PHLDB3: variants seen among roughly 807,000 people sequenced by gnomAD.
PHLDB3 encodes the protein pleckstrin homology like domain family B member 3, also known as pleckstrin homology-like domain family B member 3.
A neutral mutation model predicts 85.7 loss-of-function variants in PHLDB3; 86 were observed. That is an observed-to-expected ratio of 1.00 (90% confidence interval 0.84 to 1.20). PHLDB3 has a LOEUF of 1.20. Ranked by LOEUF, PHLDB3 falls within the 50% of genes most tolerant of loss-of-function variation. PHLDB3 has a pLI of 0.00. For missense variants in PHLDB3, 995 were observed against 873.0 expected, an observed-to-expected ratio of 1.14 and a Z score of -1.76; for synonymous variants, 376 against 349.8, an observed-to-expected ratio of 1.07 and a Z score of -0.83.
At chr19:43,503,314 C>CTT (rs909660101) in intron 2 of PHLDB3, among the ~76,000 whole-genome samples, 1 of 137,146 alleles carries the variant, frequency 7.3e-6, no homozygotes, top group Non-Finnish European at 1.6e-5. Flanking sequence ...CTCTCTCTCT[C>CTT]TCATTTTTAG....
intron 9 of PHLDB3, among the ~76,000 whole-genome samples, chr19:43,489,509 T>A (rs1262267390): frequency 6.6e-6 from 1 of 151,924 alleles, no homozygotes; most frequent in Non-Finnish European, 1.5e-5. Flanking sequence ...TTGGTAACCC[T>A]GGTGGCCCTC....
intron 9 of PHLDB3, among the ~76,000 whole-genome samples, chr19:43,488,543 G>A (rs1971238226): frequency 6.6e-6 from 1 of 151,996 alleles, no homozygotes; most frequent in South Asian, 2.1e-4. Flanking sequence ...TGATACTGGG[G>A]GTGTTCTACT....
chr19:43,477,184 G>A (rs1159825962), intron 15 of PHLDB3, among the ~76,000 whole-genome samples: 1 of 152,134 alleles, frequency 6.6e-6, no homozygotes, highest in Admixed American at 6.6e-5. Context: ...TTGGACATCA[G>A]AGTCTGCCAT....
At chr19:43,481,807 G>A (rs950874556) in intron 13 of PHLDB3, among the ~76,000 whole-genome samples, 32 of 150,104 alleles carry the variant, frequency 2.1e-4, no homozygotes, top group Non-Finnish European at 4.5e-4. Flanking sequence ...AAAAAAAAAA[G>A]AAAGAAAAGA....
intron 15 of PHLDB3, among the ~76,000 whole-genome samples, chr19:43,476,674 CAAAG>C (rs1165552810): frequency 6.6e-6 from 1 of 151,486 alleles, no homozygotes; most frequent in Non-Finnish European, 1.5e-5. Context: ...GAAAAAGAAA[CAAAG>C]AAAACTAAGG....
chr19:43,494,761 C>T lies in PHLDB3; in HGVS notation c.1090G>A (p.Ala364Thr), dbSNP rs921667039. The change falls in exon 9 of 16, where the codon GCC (alanine) becomes ACC (threonine). Residue 364 changes from alanine to threonine, a missense_variant. Coordinates refer to ENST00000292140, the MANE Select transcript of PHLDB3 (RefSeq NM_198850.4). ...GAAGTAGGGGTGGCAGCGGAGTGGG[C>T]CACGGCATCCTGGAGCACCAGCAGC... Reference protein sequence around the residue: ...RQLLVLQDAVAHSAATPTSSC... With the variant: ...RQLLVLQDAVTHSAATPTSSC... The T allele has an allele frequency of 5.6e-6, 9 of 1,613,242 alleles. No individual in the cohort carries two copies. The highest frequency in any genetic ancestry group is 7.6e-6 in the Non-Finnish European group (9 of 1,179,772).
intron 13 of PHLDB3, among the ~76,000 whole-genome samples, chr19:43,482,896 C>T (rs566707006): frequency 1.3e-5 from 2 of 152,266 alleles, no homozygotes; most frequent in East Asian, 1.9e-4. Context: ...ACCCCACTGC[C>T]GTTCCTGCCT....
Position 43,504,057 on chromosome 19 carries a change from A to T in PHLDB3, c.62T>A (p.Val21Glu). ...GGGATGGCCCTGGGGCTGGACCTCC[A>T]CGTCGCATTCCGGGACCAGCGGCGG... ...TPPPLVPECD[V>E]EVQPQGHPEE... Residue 21 changes from valine (V) to glutamate (E), a missense_variant, in exon 2 of 16, where the codon GTG (valine) becomes GAG (glutamate). By Grantham distance (121) the Val-to-Glu change is moderately radical (BLOSUM62 -2). Coordinates refer to ENST00000292140, the MANE Select transcript of PHLDB3 (RefSeq NM_198850.4). The T allele has an allele frequency of 6.2e-7, 1 of 1,613,412 alleles. No homozygotes were observed. The highest frequency in any genetic ancestry group is 8.5e-7 in the Non-Finnish European group (1 of 1,179,702).
At chr19:43,500,772 C>T (rs564593093) in intron 4 of PHLDB3, among the ~76,000 whole-genome samples, 1 of 152,126 alleles carries the variant, frequency 6.6e-6, no homozygotes, top group Non-Finnish European at 1.5e-5. Flanking sequence ...GAGTCTGAGG[C>T]CACAGGCACA....
At chr19:43,481,966 G>A (rs999967293) in intron 13 of PHLDB3, among the ~76,000 whole-genome samples, 7 of 151,972 alleles carry the variant, frequency 4.6e-5, no homozygotes, top group South Asian at 4.2e-4. Context: ...AAGAGTACCC[G>A]CTGGGCCTGC....
At chr19:43,492,624 CAAAAAAA>C (rs4028108) in intron 9 of PHLDB3, among the ~76,000 whole-genome samples, 1 of 127,262 alleles carries the variant, frequency 7.9e-6, no homozygotes. Context: ...GACCCTATCT[CAAAAAAA>C]AAAAAAAAAA....
intron 13 of PHLDB3, among the ~76,000 whole-genome samples, chr19:43,480,871 A>C (rs1449207244): frequency 6.6e-6 from 1 of 152,112 alleles, no homozygotes; most frequent in Non-Finnish European, 1.5e-5. Flanking sequence ...AGGAGGATTT[A>C]AGGCAATACA....
intron 14 of PHLDB3, 50 bp downstream of exon 14, chr19:43,479,327 G>C (rs372476448): frequency 6.5e-7 from 1 of 1,527,974 alleles, no homozygotes; most frequent in Non-Finnish European, 8.9e-7. Context: ...AAAGGCCTCC[G>C]GAGTGGAATT....
At chr19:43,486,052 G>A in intron 13 of PHLDB3, 1 of 985,360 alleles carries the variant, frequency 1.0e-6, no homozygotes, top group Non-Finnish European at 1.2e-6. Flanking sequence ...GCAGAGTAGA[G>A]CAAGTTACCC....
intron 4 of PHLDB3, 134 bp from the exon 5 acceptor site, chr19:43,498,010 C>T: frequency 7.5e-7 from 1 of 1,331,974 alleles, no homozygotes; most frequent in Non-Finnish European, 1.0e-6. Flanking sequence ...CACTCCTGTG[C>T]AGGCCTGCCT....
intron 15 of PHLDB3, among the ~76,000 whole-genome samples, chr19:43,477,613 G>A (rs1255451018): frequency 6.6e-6 from 1 of 150,986 alleles, no homozygotes; most frequent in Non-Finnish European, 1.5e-5. Context: ...TCAGGAGTTT[G>A]AGACCAACCT....
intron 9 of PHLDB3, among the ~76,000 whole-genome samples, chr19:43,494,486 AG>A (rs1171617693): frequency 4.6e-5 from 7 of 152,142 alleles, no homozygotes; most frequent in African/African-American, 1.4e-4. Flanking sequence ...CCATTTCGCC[AG>A]GGCAGGGGTG....
rs1243095240 is a variant in PHLDB3 at position 43,503,928 on chromosome 19, C to CT, written c.190dup (p.Ser64LysfsTer3). ...CACCGCGTCGCGGCTGCTCTCAGTG[C>CT]TGCTGCCTTCTCCCACTTCTTCTTC... On this transcript the variant is annotated frameshift_variant, in exon 2 of 16. Coordinates refer to ENST00000292140, the MANE Select transcript of PHLDB3 (RefSeq NM_198850.4). LOFTEE classifies it high-confidence loss of function. The CT allele has an allele frequency of 6.8e-6, 11 of 1,613,930 alleles. No homozygotes were observed. Among genetic ancestry groups the CT allele is most frequent in the Non-Finnish European group, 8.5e-6 (10 of 1,179,830 alleles).
chr19:43,475,687 A>G, intron 15 of PHLDB3, 143 bp from the exon 16 acceptor site: 1 of 1,031,802 alleles, frequency 9.7e-7, no homozygotes, highest in Non-Finnish European at 1.4e-6. Context: ...TGTCTTCCCA[A>G]ATGATGCCAC....
Sources: gnomAD v4.1 joint callset for allele counts (sites outside exome capture counted in the v4.1 genomes callset) on GRCh38, gnomAD v4.1.1 for gene constraint, MANE v1.5 for transcripts, NCBI Gene and HGNC (gene_info 2026-07-23, HGNC 2026-07-21) for gene names.